The following FCHSD2 variants were observed in gnomAD, a reference collection of about 807,000 sequenced individuals.
FCHSD2 encodes the protein F-BAR and double SH3 domains protein 2.
A neutral mutation model predicts 108.1 loss-of-function variants in FCHSD2; 38 were observed. That is an observed-to-expected ratio of 0.35 (90% CI 0.27 to 0.46). The LOEUF (loss-of-function observed/expected upper bound fraction) is 0.46. Among genes scored for constraint, FCHSD2 ranks in the 20% least tolerant of loss-of-function variants. FCHSD2 has a pLI of 1.00. For missense variants in FCHSD2, 751 were observed against 897.8 expected (o/e 0.84, Z 2.09); for synonymous variants, 279 against 314.7 (o/e 0.89, Z 1.20).
At chr11:72,938,852 T>C (rs1358555974) in intron 8 of FCHSD2, among the ~76,000 whole-genome samples, 1 of 152,218 alleles carries the variant, frequency 6.6e-6, no homozygotes, top group African/African-American at 2.4e-5. Flanking sequence ...GTTTTCTTAA[T>C]AATTTAATTC....
intron 3 of FCHSD2, among the ~76,000 whole-genome samples, chr11:73,042,481 T>A (rs769608517): frequency 9.2e-5 from 14 of 152,206 alleles, no homozygotes; most frequent in Non-Finnish European, 1.5e-4. Flanking sequence ...TATTTTGAAG[T>A]CAGGTACTGT....
At chr11:73,107,713 G>C (rs1020566518) in intron 2 of FCHSD2, among the ~76,000 whole-genome samples, 1 of 152,128 alleles carries the variant, frequency 6.6e-6, no homozygotes, top group African/African-American at 2.4e-5. Context: ...TCTTTTCTGT[G>C]TCTGGCTTAT....
Position 72,984,036 on chromosome 11 carries a change from T to C in FCHSD2, c.705+52A>G, listed in dbSNP as rs761957658. The C allele has an allele frequency of 7.7e-5, 114 of 1,482,362 alleles. 1 individual carries two copies. Among genetic ancestry groups the C allele is most frequent in the Middle Eastern group, 3.4e-4 (2 of 5,844 alleles). The allele number at this position is 1,482,362 out of a possible 1,614,324, so 91.8% of individuals were successfully genotyped here. On this transcript the variant is annotated intron_variant, in intron 8 of 19. Coordinates refer to ENST00000409418, the MANE Select transcript of FCHSD2 (RefSeq NM_014824.3). ...CATAAACCCAACACCCAACTTAAGT[T>C]GTTTTTGTTTTCAATGAAGTAAAAT...
chr11:72,853,490 C>T (rs1861346730), intron 13 of FCHSD2, among the ~76,000 whole-genome samples: 2 of 152,150 alleles, frequency 1.3e-5, no homozygotes, highest in South Asian at 4.1e-4. Flanking sequence ...TCTTGACTCA[C>T]TGCAACCTCC....
chr11:72,870,792 C>T (rs955839196), intron 12 of FCHSD2, among the ~76,000 whole-genome samples: 5 of 143,078 alleles, frequency 3.5e-5, no homozygotes, highest in Non-Finnish European at 6.0e-5. Context: ...CCCAGCTACT[C>T]GGGAGGCTGA....
At chr11:72,954,033 T>C (rs1415079316) in intron 8 of FCHSD2, among the ~76,000 whole-genome samples, 1 of 152,046 alleles carries the variant, frequency 6.6e-6, no homozygotes, top group South Asian at 2.1e-4. Context: ...AGAAATGACA[T>C]AATCTGACTT....
intron 14 of FCHSD2, among the ~76,000 whole-genome samples, chr11:72,845,331 G>C (rs559513005): frequency 6.6e-6 from 1 of 151,556 alleles, no homozygotes; most frequent in Non-Finnish European, 1.5e-5. Flanking sequence ...TGAGGTGGGA[G>C]GATCACTTGA....
At chr11:73,019,585 A>T (rs1858051518) in intron 3 of FCHSD2, among the ~76,000 whole-genome samples, 1 of 152,190 alleles carries the variant, frequency 6.6e-6, no homozygotes, top group East Asian at 1.9e-4. Flanking sequence ...TGAGGGATTC[A>T]TGAAATAGAC....
intron 9 of FCHSD2, among the ~76,000 whole-genome samples, chr11:72,912,720 T>C (rs1366962650): frequency 6.6e-6 from 1 of 152,214 alleles, no homozygotes; most frequent in Non-Finnish European, 1.5e-5. Context: ...CTTTAAATGT[T>C]TGATAAAATT....
At chr11:72,853,191 C>T (rs1225136675) in intron 13 of FCHSD2, among the ~76,000 whole-genome samples, 3 of 152,140 alleles carry the variant, frequency 2.0e-5, no homozygotes, top group Non-Finnish European at 4.4e-5. Context: ...AATAAACCTT[C>T]ACATACATGA....
At position 73,060,514 on chromosome 11, in the gene FCHSD2, G is replaced by T. The variant is rs1591522214; in HGVS notation, c.165+23181C>A. Among the ~76,000 whole-genome samples the T allele has an allele frequency of 2.0e-5, 3 of 152,192 alleles. No homozygotes were observed. The South Asian group carries it at 6.2e-4, about 32-fold the overall frequency. On this transcript the variant is annotated intron_variant, in intron 3 of 19. Transcript: ENST00000409418. ...ATTACAGTGAGAAAGTTTTCCAGGG[G>T]AAATAATCAATAGTATATCATACAA...
At chr11:73,116,424 T>C (rs1005962019) in intron 2 of FCHSD2, among the ~76,000 whole-genome samples, 3 of 152,240 alleles carry the variant, frequency 2.0e-5, no homozygotes, top group Non-Finnish European at 4.4e-5. Flanking sequence ...GGTGTTTTTC[T>C]CATTCTGTGA....
intron 13 of FCHSD2, among the ~76,000 whole-genome samples, chr11:72,865,651 T>C (rs1304754562): frequency 6.6e-6 from 1 of 152,098 alleles, no homozygotes; most frequent in Non-Finnish European, 1.5e-5. Context: ...TCAAATGACA[T>C]ATCCTCCATG....
At chr11:72,896,951 C>T (rs576556843) in intron 10 of FCHSD2, among the ~76,000 whole-genome samples, 24 of 151,896 alleles carry the variant, frequency 1.6e-4, no homozygotes, top group Middle Eastern at 3.4e-3. Context: ...CTCAGCCTCC[C>T]GAGTAGCTGG....
chr11:73,045,152 A>C (rs2032351), intron 3 of FCHSD2, among the ~76,000 whole-genome samples: 54 of 152,282 alleles, frequency 3.5e-4, no homozygotes, highest in African/African-American at 1.2e-3. Flanking sequence ...ATGCAGCCAA[A>C]AAACACATGA....
chr11:73,071,543 A>T (rs1050140179), intron 3 of FCHSD2, among the ~76,000 whole-genome samples: 24 of 151,794 alleles, frequency 1.6e-4, no homozygotes, highest in Non-Finnish European at 2.2e-4. Context: ...TACAAAAAAA[A>T]AAAAAAAATT....
At chr11:73,113,313 G>C (rs1170692299) in intron 2 of FCHSD2, among the ~76,000 whole-genome samples, 1 of 141,430 alleles carries the variant, frequency 7.1e-6, no homozygotes. Context: ...CTGTTCCCTG[G>C]TACCTTAGTT....
chr11:72,881,795 A>C (rs1855093155), intron 12 of FCHSD2, among the ~76,000 whole-genome samples: 1 of 152,238 alleles, frequency 6.6e-6, no homozygotes, highest in Non-Finnish European at 1.5e-5. Context: ...GACAAATATC[A>C]CATGTTCTCA....
chr11:73,096,987 ATTTTTTTTTTTTTTTTTTT>A (rs60223064), intron 2 of FCHSD2, among the ~76,000 whole-genome samples: 1 of 27,020 alleles, frequency 3.7e-5, no homozygotes, highest in East Asian at 1.8e-3. Flanking sequence ...TCATTGATGG[ATTTTTTTTTTTTTTTTTTT>A]TTTTTTTTTT....
Sources: gnomAD v4.1 joint callset for allele counts (sites outside exome capture counted in the v4.1 genomes callset) on GRCh38, gnomAD v4.1.1 for gene constraint, MANE v1.5 for transcripts, NCBI Gene and HGNC (gene_info 2026-07-23, HGNC 2026-07-21) for gene names.